The following EZH2 variants were observed in gnomAD, a reference collection of about 807,000 sequenced individuals.
EZH2 encodes the protein histone-lysine N-methyltransferase EZH2.
In EZH2, 18 loss-of-function variants were observed where a neutral mutation model predicts 98.4. The ratio of observed to expected loss-of-function variants is 0.18; its 90% CI spans 0.13 to 0.27. The LOEUF (loss-of-function observed/expected upper bound fraction) is 0.27, where lower values mean the gene tolerates loss of function less well. Among genes scored for constraint, EZH2 ranks in the 10% least tolerant of loss-of-function variants. The pLI, the probability that EZH2 is intolerant of heterozygous loss-of-function variation, is 1.00. For synonymous variants in EZH2, 338 were observed against 312.3 expected, an observed-to-expected ratio of 1.08 and a Z score of -0.87; for missense variants, 470 against 935.1, an observed-to-expected ratio of 0.50 and a Z score of 6.49.
At chr7:148,875,935 C>A (rs28814083) in intron 1 of EZH2, 25,356 of 152,106 alleles carry the variant, frequency 0.17, 2,251 homozygotes, top group East Asian at 0.25. Flanking sequence ...AAGGCAGAAT[C>A]ATTTGAGCCC....
At position 148,819,503 on chromosome 7, in the gene EZH2, G is replaced by A. The variant is rs1351888000; in HGVS notation, c.999+93C>T. On this transcript the variant is annotated intron_variant, in intron 9 of 19. Coordinates refer to ENST00000320356, the MANE Select transcript of EZH2 (RefSeq NM_004456.5). ...CTATCATATGGCCCATAACAGCATG[G>A]GTGCAGACAACATTAACGCTGACTT... 6.3e-6 allele frequency: 6 copies of A among 948,270 alleles called. No individual in the cohort carries two copies. The African/African-American group carries it at 6.6e-5, about 10-fold the overall frequency. The allele number at this position is 948,270 out of a possible 1,614,324, so 58.7% of individuals were successfully genotyped here.
At chr7:148,843,395 G>A (rs1813005130) in intron 3 of EZH2, among the ~76,000 whole-genome samples, 1 of 151,684 alleles carries the variant, frequency 6.6e-6, no homozygotes, top group African/African-American at 2.4e-5. Context: ...ACCACACACA[G>A]TAAGAAAACC....
chr7:148,878,041 G>A (rs1051797035), intron 1 of EZH2, among the ~76,000 whole-genome samples: 3 of 152,030 alleles, frequency 2.0e-5, no homozygotes, highest in Non-Finnish European at 2.9e-5. Context: ...AAAGGTTTTC[G>A]GAGTGTGTTA....
intron 1 of EZH2, among the ~76,000 whole-genome samples, chr7:148,851,423 C>T (rs187577999): frequency 1.3e-5 from 2 of 152,242 alleles, no homozygotes; most frequent in Admixed American, 6.5e-5. Flanking sequence ...TGCAAACACA[C>T]TTGGTTCTGT....
At chr7:148,842,725 T>C (rs896573504) in intron 3 of EZH2, among the ~76,000 whole-genome samples, 1 of 151,966 alleles carries the variant, frequency 6.6e-6, no homozygotes, top group African/African-American at 2.4e-5. Flanking sequence ...GCTTAGGTTC[T>C]ATAATCTCAA....
intron 8 of EZH2, among the ~76,000 whole-genome samples, chr7:148,824,327 A>AAAC (rs1218601759): frequency 2.0e-4 from 30 of 151,732 alleles, no homozygotes; most frequent in Admixed American, 1.4e-3. Flanking sequence ...AAAAAAAAAA[A>AAAC]AACAACAACA....
intron 4 of EZH2, among the ~76,000 whole-genome samples, chr7:148,831,245 G>A (rs1277036020): frequency 6.6e-6 from 1 of 152,128 alleles, no homozygotes; most frequent in African/African-American, 2.4e-5. Flanking sequence ...GGGATAAAAG[G>A]AGCATATAAT....
chr7:148,829,783 A>T lies in EZH2; in HGVS notation c.429T>A (p.Gly143=). 1 of 1,609,488 alleles carries T rather than the reference A, an allele frequency of 6.2e-7. No individual in the cohort carries two copies. The highest frequency in any genetic ancestry group is 8.5e-7 in the Non-Finnish European group (1 of 1,177,640). ...YMGDEVLDQD[G]TFIEELIKNY... is the part of the protein sequence containing the mutation. ...TTTTTATTAGTTCTTCAATGAAAGT[A>T]CCATCCTGATCTAAAACTTCATCTC... Residue 143 remains glycine, a synonymous_variant, in exon 5 of 20, where the codon GGT becomes GGA. Transcript: ENST00000320356.
At chr7:148,875,508 TC>T (rs1300438530) in intron 1 of EZH2, among the ~76,000 whole-genome samples, 1 of 152,172 alleles carries the variant, frequency 6.6e-6, no homozygotes, top group Non-Finnish European at 1.5e-5. Flanking sequence ...GAAAAGATGT[TC>T]CAACATCATT....
chr7:148,819,625 G>C lies in EZH2; in HGVS notation c.970C>G (p.Pro324Ala). ...TGCTGGTAACACTGTGGTCCACAAG[G>C]TTTGTTGTCTAGAGCTGTTTCTGTG... ...KNTETALDNK[P>A]CGPQCYQHLE... The change falls in exon 9 of 20, where the codon CCT becomes GCT. Residue 324 changes from proline to alanine, a missense_variant. Transcript: ENST00000320356. 1.2e-6 allele frequency: 2 copies of C among 1,614,066 alleles called. No individual in the cohort carries two copies. Among genetic ancestry groups the C allele is most frequent in the Non-Finnish European group, 1.7e-6 (2 of 1,179,960 alleles).
chr7:148,841,113 A>T (rs1812310423), intron 3 of EZH2, among the ~76,000 whole-genome samples: 1 of 152,160 alleles, frequency 6.6e-6, no homozygotes, highest in South Asian at 2.1e-4. Flanking sequence ...TCAAATTTAA[A>T]ATATAAACAT....
At chr7:148,880,726 T>C (rs1391936106) in intron 1 of EZH2, among the ~76,000 whole-genome samples, 1 of 152,230 alleles carries the variant, frequency 6.6e-6, no homozygotes, top group East Asian at 1.9e-4. Context: ...CTTTGCAAGT[T>C]CCTTTGTCAA....
At chr7:148,839,067 A>AGGAAGGAAGGAC (rs1811677257) in intron 3 of EZH2, among the ~76,000 whole-genome samples, 1 of 130,084 alleles carries the variant, frequency 7.7e-6, no homozygotes. Flanking sequence ...GAAGGAAGGA[A>AGGAAGGAAGGAC]GGAAGGAAGG....
At chr7:148,826,406 C>T in intron 8 of EZH2, 48 bp downstream of exon 8, 1 of 1,418,014 alleles carries the variant, frequency 7.1e-7, no homozygotes, top group Non-Finnish European at 9.4e-7. Context: ...ACTCTCCAAG[C>T]TGCTTTAAAA....
At position 148,817,387 on chromosome 7, in the gene EZH2, T is replaced by C. The variant is rs764010885; in HGVS notation, c.1245A>G (p.Ala415=). 2.5e-6 allele frequency: 4 copies of C among 1,612,236 alleles called. No individual in the cohort carries two copies. Among genetic ancestry groups the C allele is most frequent in the Middle Eastern group, 1.7e-4 (1 of 6,052 alleles). Residue 415 remains alanine (A), a synonymous_variant, in exon 11 of 20, where the codon GCA becomes GCG. Transcript: ENST00000320356. ...KKDETSSSSE[A]NSRCQTPIKM... is the part of the protein sequence containing the mutation. ...TTATTGGTGTTTGACACCGAGAATT[T>C]GCTTCTACAAAACCAAATGTAAGCA... is the stretch of plus-strand genomic sequence containing the variant.
intron 1 of EZH2, 102 bp downstream of exon 1, chr7:148,884,062 G>C (rs1246037819): frequency 1.3e-5 from 2 of 151,796 alleles, no homozygotes; most frequent in Non-Finnish European, 3.0e-5. Flanking sequence ...GGCGATACCC[G>C]GGACCGGCAC....
At chr7:148,828,384 A>G (rs1481283127) in intron 6 of EZH2, among the ~76,000 whole-genome samples, 1 of 152,084 alleles carries the variant, frequency 6.6e-6, no homozygotes, top group East Asian at 1.9e-4. Context: ...TCACCCAGCC[A>G]GACTGTGCAG....
chr7:148,836,538 G>A (rs1315875289), intron 3 of EZH2, among the ~76,000 whole-genome samples: 1 of 152,170 alleles, frequency 6.6e-6, no homozygotes, highest in Non-Finnish European at 1.5e-5. Context: ...GTCACTCAGA[G>A]TAGTGAAAAG....
intron 4 of EZH2, among the ~76,000 whole-genome samples, 200 bp downstream of exon 4, chr7:148,832,434 G>A (rs1809645462): frequency 6.6e-6 from 1 of 151,858 alleles, no homozygotes; most frequent in Non-Finnish European, 1.5e-5. Context: ...CTTTTCCTTT[G>A]GAGAGTATAG....
Sources: gnomAD v4.1 joint callset for allele counts (sites outside exome capture counted in the v4.1 genomes callset) on GRCh38, gnomAD v4.1.1 for gene constraint, MANE v1.5 for transcripts, NCBI Gene and HGNC (gene_info 2026-07-23, HGNC 2026-07-21) for gene names.